NRXN1: variants seen among roughly 807,000 people sequenced by gnomAD.
NRXN1 encodes neurexin-1.
A neutral mutation model predicts 150.9 loss-of-function variants in NRXN1; 39 were observed. The ratio of observed to expected loss-of-function variants is 0.26; its 90% CI spans 0.20 to 0.34. NRXN1 has a LOEUF of 0.34. NRXN1 is among the 10% of genes least tolerant of loss of function. The probability of loss-of-function intolerance (pLI) is 1.00; values close to 1 mark genes in which losing one functional copy is unlikely to be tolerated. For synonymous variants in NRXN1, 924 were observed against 757.0 expected, an observed-to-expected ratio of 1.22 and a Z score of -3.62; for missense variants, 1,815 against 1,949.9, an observed-to-expected ratio of 0.93 and a Z score of 1.30.
chr2:50,873,791 T>A (rs1230306072), intron 5 of NRXN1, among the ~76,000 whole-genome samples: 1 of 151,870 alleles, frequency 6.6e-6, no homozygotes. Context: ...TTTTCTGTAT[T>A]TATGGCCAAG....
At chr2:50,524,477 T>A (rs1044054044) in intron 12 of NRXN1, among the ~76,000 whole-genome samples, 4 of 111,616 alleles carry the variant, frequency 3.6e-5, no homozygotes, top group East Asian at 2.4e-4. Context: ...AGAGTCCATC[T>A]CATAAATAAA....
At chr2:50,751,109 C>T (rs1700541564) in intron 5 of NRXN1, among the ~76,000 whole-genome samples, 1 of 151,960 alleles carries the variant, frequency 6.6e-6, no homozygotes, top group Non-Finnish European at 1.5e-5. Context: ...ACATGGGTTA[C>T]ATGCATAAAT....
intron 17 of NRXN1, among the ~76,000 whole-genome samples, chr2:50,320,409 A>C (rs2075954810): frequency 6.8e-6 from 1 of 147,804 alleles, no homozygotes; most frequent in Admixed American, 6.9e-5. Flanking sequence ...ATAGTATCTT[A>C]CTATAAAAAT....
chr2:50,991,480 A>G (rs1482683084), intron 2 of NRXN1, among the ~76,000 whole-genome samples: 1 of 152,042 alleles, frequency 6.6e-6, no homozygotes. Context: ...TAATCTACTC[A>G]ACTATGGTCC....
At chr2:49,959,856 C>CCAGT (rs1675611206) in intron 21 of NRXN1, among the ~76,000 whole-genome samples, 1 of 152,168 alleles carries the variant, frequency 6.6e-6, no homozygotes, top group South Asian at 2.1e-4. Flanking sequence ...AGGCAAAACC[C>CCAGT]CAGTATCCTA....
chr2:50,454,703 C>T (rs1048112301), intron 17 of NRXN1, among the ~76,000 whole-genome samples: 1 of 149,078 alleles, frequency 6.7e-6, no homozygotes, highest in East Asian at 1.9e-4. Context: ...CACACACACA[C>T]AGTTAATTAA....
chr2:50,944,137 G>C (rs1689935849), intron 2 of NRXN1, among the ~76,000 whole-genome samples: 1 of 152,156 alleles, frequency 6.6e-6, no homozygotes, highest in African/African-American at 2.4e-5. Flanking sequence ...ACAGTAAGCA[G>C]TATAATCTGG....
At chr2:50,814,973 A>G (rs1236503896) in intron 5 of NRXN1, among the ~76,000 whole-genome samples, 2 of 152,172 alleles carry the variant, frequency 1.3e-5, no homozygotes, top group East Asian at 3.9e-4. Context: ...ATAAGGAGCT[A>G]TATAGAGAAT....
intron 5 of NRXN1, among the ~76,000 whole-genome samples, chr2:50,778,273 C>G (rs1057135471): frequency 3.3e-5 from 5 of 152,140 alleles, no homozygotes; most frequent in Non-Finnish European, 5.9e-5. Flanking sequence ...ATTCACCCAA[C>G]TCAGTGTTTT....
intron 17 of NRXN1, among the ~76,000 whole-genome samples, chr2:50,412,481 A>G (rs932494452): frequency 1.3e-5 from 2 of 152,044 alleles, no homozygotes; most frequent in African/African-American, 4.8e-5. Flanking sequence ...CTCTTAGTTT[A>G]TTGCCTTCAT....
chr2:50,119,121 A>T (rs1167785949), intron 18 of NRXN1, among the ~76,000 whole-genome samples: 3 of 152,116 alleles, frequency 2.0e-5, no homozygotes, highest in Non-Finnish European at 4.4e-5. Flanking sequence ...TCCACATCTT[A>T]AGTTGAAAAT....
intron 5 of NRXN1, among the ~76,000 whole-genome samples, chr2:50,671,913 G>T (rs566572825): frequency 6.6e-6 from 1 of 151,874 alleles, no homozygotes; most frequent in Admixed American, 6.6e-5. Flanking sequence ...AGCTTATTAC[G>T]ATTTAAAATT....
At chr2:50,433,381 G>T (rs1474302533) in intron 17 of NRXN1, among the ~76,000 whole-genome samples, 3 of 152,042 alleles carry the variant, frequency 2.0e-5, no homozygotes, top group African/African-American at 7.2e-5. Context: ...AACTTATATT[G>T]CATGTATGTT....
chr2:50,254,802 C>A (rs940890599), intron 17 of NRXN1, among the ~76,000 whole-genome samples: 2 of 151,994 alleles, frequency 1.3e-5, no homozygotes, highest in African/African-American at 4.8e-5. Context: ...TATCTATCCA[C>A]ATTTATTTTT....
chr2:50,764,720 T>C (rs1379316609), intron 5 of NRXN1, among the ~76,000 whole-genome samples: 2 of 151,906 alleles, frequency 1.3e-5, no homozygotes, highest in African/African-American at 4.8e-5. Flanking sequence ...TCTCCAAAGG[T>C]GCTTCAGAAA....
At chr2:50,465,675 A>G in intron 16 of NRXN1, 114 bp from the exon 17 acceptor site, 6 of 1,112,692 alleles carry the variant, frequency 5.4e-6, no homozygotes, top group Non-Finnish European at 7.4e-6. Context: ...TGTCCAAACT[A>G]GTTTTTAAAG....
At chr2:50,329,611 GTGTGTGTATATA>G (rs1558536000) in intron 17 of NRXN1, among the ~76,000 whole-genome samples, 1 of 22,492 alleles carries the variant, frequency 4.4e-5, no homozygotes. Flanking sequence ...GTGTGTGTGT[GTGTGTGTATATA>G]TATATATATA....
chr2:50,918,070 A>T (rs1049110784), intron 5 of NRXN1: 2 of 151,654 alleles, frequency 1.3e-5, no homozygotes, highest in African/African-American at 4.8e-5. Flanking sequence ...TTTAACAATT[A>T]GTTTTGAGAA....
At chr2:50,523,994 G>A (rs1374126854) in intron 12 of NRXN1, among the ~76,000 whole-genome samples, 2 of 152,022 alleles carry the variant, frequency 1.3e-5, no homozygotes, top group African/African-American at 4.8e-5. Context: ...AAGAAGACAA[G>A]AAAAAAGATA....
Sources: gnomAD v4.1 joint callset for allele counts (sites outside exome capture counted in the v4.1 genomes callset) on GRCh38, gnomAD v4.1.1 for gene constraint, MANE v1.5 for transcripts, NCBI Gene and HGNC (gene_info 2026-07-23, HGNC 2026-07-21) for gene names.